ZBTB20: variants seen among roughly 807,000 people sequenced by gnomAD.
The protein encoded by ZBTB20 is zinc finger and BTB domain-containing protein 20.
ZBTB20 carries 9 observed loss-of-function variants against 56.9 expected under a neutral mutation model. The observed-to-expected ratio is 0.16, with a 90% CI of 0.10 to 0.28. The LOEUF (loss-of-function observed/expected upper bound fraction) is 0.28. Ranked by LOEUF, ZBTB20 falls within the 10% of genes least tolerant of loss-of-function variation. ZBTB20 has a pLI of 1.00. For synonymous variants in ZBTB20, 417 were observed against 420.7 expected (o/e 0.99, Z 0.11); for missense variants, 655 against 1,003.0 (o/e 0.65, Z 4.69).
chr3:115,095,118 G>C (rs141527620), intron 1 of ZBTB20, among the ~76,000 whole-genome samples: 117 of 152,006 alleles, frequency 7.7e-4, no homozygotes, highest in African/African-American at 2.6e-3. Flanking sequence ...ATATCAAGAA[G>C]GTAAACATAT....
At chr3:114,888,977 G>A (rs1235752808) in intron 4 of ZBTB20, among the ~76,000 whole-genome samples, 5 of 151,750 alleles carry the variant, frequency 3.3e-5, no homozygotes, top group Non-Finnish European at 1.5e-5. Flanking sequence ...ATAACCTGTG[G>A]TATAATCTTC....
intron 10 of ZBTB20, among the ~76,000 whole-genome samples, chr3:114,365,445 G>T (rs1016588219): frequency 8.5e-5 from 13 of 152,194 alleles, no homozygotes; most frequent in African/African-American, 3.1e-4. Flanking sequence ...CCCTGGGCCA[G>T]CTCTGCCTGC....
intron 7 of ZBTB20, among the ~76,000 whole-genome samples, chr3:114,472,458 T>A (rs1014927813): frequency 2.0e-5 from 3 of 152,126 alleles, no homozygotes; most frequent in African/African-American, 7.2e-5. Context: ...GCCTTTAATC[T>A]CAGCACTTTG....
At chr3:114,462,243 T>A (rs140434307) in intron 7 of ZBTB20, among the ~76,000 whole-genome samples, 1 of 152,278 alleles carries the variant, frequency 6.6e-6, no homozygotes, top group Admixed American at 6.5e-5. Context: ...GAAAAAAAGT[T>A]CAAGAAGCTC....
At chr3:114,349,199 CAAAAAAAA>C (rs35387890) in intron 11 of ZBTB20, among the ~76,000 whole-genome samples, 2 of 116,358 alleles carry the variant, frequency 1.7e-5, no homozygotes. Flanking sequence ...GACCCTGTCT[CAAAAAAAA>C]AAAAAAAAAA....
intron 3 of ZBTB20, among the ~76,000 whole-genome samples, chr3:114,912,811 G>A (rs752375650): frequency 2.0e-5 from 3 of 151,562 alleles, no homozygotes; most frequent in East Asian, 1.9e-4. Flanking sequence ...CTCTATCTCC[G>A]TGAGCTCAAT....
intron 4 of ZBTB20, among the ~76,000 whole-genome samples, chr3:114,858,023 T>C (rs1430660108): frequency 2.6e-5 from 4 of 152,222 alleles, no homozygotes; most frequent in Non-Finnish European, 4.4e-5. Context: ...TTTTCAGGCA[T>C]ACAATGTTGT....
At chr3:114,824,951 T>G (rs184407868) in intron 4 of ZBTB20, among the ~76,000 whole-genome samples, 3 of 152,092 alleles carry the variant, frequency 2.0e-5, no homozygotes, top group East Asian at 3.9e-4. Flanking sequence ...TTTTGTAATT[T>G]GTGACCAATG....
chr3:114,421,555 A>G (rs2089175733), intron 7 of ZBTB20, among the ~76,000 whole-genome samples: 1 of 152,150 alleles, frequency 6.6e-6, no homozygotes, highest in South Asian at 2.1e-4. Context: ...TTTTGAATCC[A>G]GGGAAGAAAC....
chr3:114,641,801 G>T (rs1254913390), intron 6 of ZBTB20, among the ~76,000 whole-genome samples: 2 of 151,812 alleles, frequency 1.3e-5, no homozygotes, highest in South Asian at 2.1e-4. Flanking sequence ...TATATGGAGG[G>T]TGTCTTTAGT....
intron 5 of ZBTB20, among the ~76,000 whole-genome samples, chr3:114,711,828 T>C (rs2064106814): frequency 1.3e-5 from 2 of 152,206 alleles, no homozygotes; most frequent in Admixed American, 6.5e-5. Context: ...ATTAAACAGA[T>C]GAACAAACTA....
At chr3:114,953,840 A>G (rs887746050) in intron 3 of ZBTB20, among the ~76,000 whole-genome samples, 4 of 152,128 alleles carry the variant, frequency 2.6e-5, no homozygotes, top group Non-Finnish European at 2.9e-5. Flanking sequence ...AATTAGCTTC[A>G]TAAGAGAGAG....
chr3:114,804,627 T>G (rs2071967220), intron 4 of ZBTB20, among the ~76,000 whole-genome samples: 1 of 151,930 alleles, frequency 6.6e-6, no homozygotes, highest in African/African-American at 2.4e-5. Context: ...TTCTTTCCAC[T>G]ATTTAAAAAC....
At chr3:115,076,949 A>G (rs549156980) in intron 1 of ZBTB20, among the ~76,000 whole-genome samples, 113 of 152,238 alleles carry the variant, frequency 7.4e-4, no homozygotes, top group Middle Eastern at 3.4e-3. Context: ...ACAGTTCGCA[A>G]TAGGGTTCAC....
chr3:114,456,078 A>G (rs2091993542), intron 7 of ZBTB20, among the ~76,000 whole-genome samples: 2 of 152,100 alleles, frequency 1.3e-5, no homozygotes, highest in Non-Finnish European at 2.9e-5. Flanking sequence ...AAATAAGAAG[A>G]TTACTCCACC....
chr3:114,376,385 C>T (rs953037222), intron 10 of ZBTB20, among the ~76,000 whole-genome samples: 1 of 152,176 alleles, frequency 6.6e-6, no homozygotes, highest in South Asian at 2.1e-4. Flanking sequence ...CTTTGCATTT[C>T]CTGACTTTGG....
chr3:114,402,209 A>G (rs1351622268), intron 7 of ZBTB20, among the ~76,000 whole-genome samples: 2 of 152,290 alleles, frequency 1.3e-5, no homozygotes, highest in East Asian at 3.9e-4. Flanking sequence ...GCACCTGGCT[A>G]TGCTACATGC....
chr3:114,784,453 A>G (rs2070342866), intron 5 of ZBTB20, among the ~76,000 whole-genome samples: 1 of 152,358 alleles, frequency 6.6e-6, no homozygotes. Flanking sequence ...CCAGCCACTG[A>G]TCCACTGCCC....
chr3:114,357,619 G>A (rs1282003518), intron 10 of ZBTB20, among the ~76,000 whole-genome samples: 1 of 152,128 alleles, frequency 6.6e-6, no homozygotes, highest in Non-Finnish European at 1.5e-5. Context: ...TACTTTTATA[G>A]GAATAAGGTC....
Sources: allele counts gnomAD v4.1 joint callset (sites outside exome capture counted in the v4.1 genomes callset), GRCh38; gene constraint gnomAD v4.1.1; transcripts MANE v1.5; gene names NCBI Gene and HGNC (gene_info 2026-07-23, HGNC 2026-07-21).